The following CCDC102B variants were observed in gnomAD, a reference collection of about 807,000 sequenced individuals.
CCDC102B encodes the protein coiled-coil domain-containing protein 102B.
In CCDC102B, 75 loss-of-function variants were observed where a neutral mutation model predicts 57.4. The observed-to-expected ratio is 1.31, with a 90% CI of 1.08 to 1.58. The LOEUF (loss-of-function observed/expected upper bound fraction) is 1.58. Ranked by LOEUF, CCDC102B falls within the 40% of genes most tolerant of loss-of-function variation. The probability of loss-of-function intolerance (pLI) is 0.00; values close to 1 mark genes in which losing one functional copy is unlikely to be tolerated. For missense variants in CCDC102B, 636 were observed against 582.6 expected (o/e 1.09, Z -0.94); for synonymous variants, 206 against 201.9 (o/e 1.02, Z -0.17).
intron 6 of CCDC102B, among the ~76,000 whole-genome samples, chr18:68,944,130 A>C (rs1259352761): frequency 6.6e-6 from 1 of 152,084 alleles, no homozygotes; most frequent in Admixed American, 6.6e-5. Flanking sequence ...TACACAGGTT[A>C]ACTCCTTGAG....
intron 2 of CCDC102B, among the ~76,000 whole-genome samples, chr18:68,777,063 G>A (rs376064041): frequency 2.0e-5 from 3 of 152,228 alleles, no homozygotes; most frequent in South Asian, 2.1e-4. Flanking sequence ...CATCAGTTCC[G>A]TGGGGAAATT....
chr18:68,899,026 G>A (rs553675007), intron 6 of CCDC102B, among the ~76,000 whole-genome samples: 1 of 152,146 alleles, frequency 6.6e-6, no homozygotes, highest in Non-Finnish European at 1.5e-5. Context: ...CTTGGAAACT[G>A]AGAGGATCCT....
rs773402816 is a variant in CCDC102B, at chr18:68,836,903, A to G, written c.140A>G (p.His47Arg). 2 of 1,614,064 alleles carry G rather than the reference A, an allele frequency of 1.2e-6. No individual in the cohort carries two copies. Among genetic ancestry groups the G allele is most frequent in the East Asian group, 2.2e-5 (1 of 44,862 alleles). Residue 47 changes from histidine to arginine, a missense_variant, in exon 2 of 8, where the codon CAT becomes CGT. By Grantham distance (29) the His-to-Arg change is conservative. Coordinates refer to ENST00000360242, the MANE Select transcript of CCDC102B (RefSeq NM_024781.3). ...RDTCNTCFPL[H>R]GLQSHAAHNF... ...ACCTGTAATACCTGCTTCCCACTTCATGGGCTACAATCTCATGCTGCTCAC... is the reference window on the plus strand; with the variant it reads ...ACCTGTAATACCTGCTTCCCACTTCGTGGGCTACAATCTCATGCTGCTCAC...
At chr18:68,977,078 C>T (rs2050457716) in intron 6 of CCDC102B, among the ~76,000 whole-genome samples, 1 of 151,892 alleles carries the variant, frequency 6.6e-6, no homozygotes, top group Non-Finnish European at 1.5e-5. Context: ...CAATTTTTTG[C>T]TAACATTAAT....
chr18:68,742,187 C>T (rs1466789746), intron 2 of CCDC102B, among the ~76,000 whole-genome samples: 1 of 152,148 alleles, frequency 6.6e-6, no homozygotes, highest in East Asian at 1.9e-4. Flanking sequence ...TTTCAGGCTT[C>T]TCTTTTAGCT....
chr18:69,030,827 G>A (rs1305616041), intron 7 of CCDC102B, among the ~76,000 whole-genome samples: 1 of 152,044 alleles, frequency 6.6e-6, no homozygotes, highest in Non-Finnish European at 1.5e-5. Flanking sequence ...GATCATTTTT[G>A]TATTTTTAGT....
chr18:68,892,396 C>T (rs929435863), intron 5 of CCDC102B, among the ~76,000 whole-genome samples: 6 of 152,126 alleles, frequency 3.9e-5, no homozygotes, highest in Non-Finnish European at 7.4e-5. Flanking sequence ...TCCACCATAG[C>T]GCATGTTTTC....
intron 6 of CCDC102B, among the ~76,000 whole-genome samples, chr18:68,950,878 G>GT (rs1199932502): frequency 1.3e-5 from 2 of 151,968 alleles, no homozygotes; most frequent in Non-Finnish European, 2.9e-5. Flanking sequence ...AGAATTAAAC[G>GT]TGACAATGAC....
At chr18:69,057,850 C>A (rs2052841457), downstream of CCDC102B, among the ~76,000 whole-genome samples, 1 of 151,948 alleles carries the variant, frequency 6.6e-6, no homozygotes, top group African/African-American at 2.4e-5. Context: ...TTTTCCCCAG[C>A]TTTTCTTTTA....
At chr18:68,758,849 C>A (rs1394924022) in intron 2 of CCDC102B, among the ~76,000 whole-genome samples, 2 of 150,802 alleles carry the variant, frequency 1.3e-5, no homozygotes, top group African/African-American at 4.9e-5. Flanking sequence ...CCTTCCCCAT[C>A]CCTATAGTAA....
intron 6 of CCDC102B, among the ~76,000 whole-genome samples, chr18:68,945,122 C>CCACACACACA (rs34611934): frequency 0.2 from 28,244 of 143,794 alleles, 3,303 homozygotes; most frequent in East Asian, 0.39. Flanking sequence ...CTCTCTCTCT[C>CCACACACACA]CACACACACA....
Position 68,918,754 on chromosome 18 carries a change from G to A in CCDC102B, c.1263+21326G>A, listed in dbSNP as rs181220402. Among the ~76,000 whole-genome samples, 106 of 152,168 alleles carry A rather than the reference G, an allele frequency of 7.0e-4. 1 individual carries two copies. The highest frequency in any genetic ancestry group is 4.8e-3 in the East Asian group (25 of 5,174). ...TAGTCTTTCTCATTTAAGAAAATTG[G>A]AATTCCATTTACATTGCATTGGATT... On this transcript the variant is annotated intron_variant, in intron 6 of 7. Transcript: ENST00000360242.
intron 1 of CCDC102B, among the ~76,000 whole-genome samples, chr18:68,823,202 G>C (rs1313145908): frequency 6.6e-6 from 1 of 152,218 alleles, no homozygotes; most frequent in Non-Finnish European, 1.5e-5. Context: ...ACATATAGGT[G>C]TTACCAAATT....
intron 2 of CCDC102B, among the ~76,000 whole-genome samples, chr18:68,791,259 G>T (rs2035449794): frequency 1.3e-5 from 2 of 152,040 alleles, no homozygotes; most frequent in African/African-American, 4.8e-5. Flanking sequence ...TAATGTTTTT[G>T]TTAAGTTGTA....
At chr18:68,883,946 T>C (rs568395103) in intron 5 of CCDC102B, among the ~76,000 whole-genome samples, 1 of 152,286 alleles carries the variant, frequency 6.6e-6, no homozygotes, top group African/African-American at 2.4e-5. Context: ...AAAAATTTCC[T>C]GTTATGGAGA....
chr18:68,857,315 TATATTATATATATAA>T (rs1568293148), intron 4 of CCDC102B, among the ~76,000 whole-genome samples: 662 of 5,220 alleles, frequency 0.13, 74 homozygotes, highest in African/African-American at 0.25. Context: ...TATATATTTA[TATATTATATATATAA>T]AATATATATT....
chr18:68,891,490 T>C (rs141784897), intron 5 of CCDC102B, among the ~76,000 whole-genome samples: 38 of 152,376 alleles, frequency 2.5e-4, no homozygotes, highest in African/African-American at 9.1e-4. Context: ...TTTCTACTTC[T>C]AGTAGCTTTG....
chr18:68,940,677 AG>A (rs150071370), intron 6 of CCDC102B, among the ~76,000 whole-genome samples: 2,925 of 152,022 alleles, frequency 0.019, 105 homozygotes, highest in African/African-American at 0.066. Context: ...AGAGCTTTGC[AG>A]GTAAGGTAAT....
intron 1 of CCDC102B, among the ~76,000 whole-genome samples, chr18:68,806,530 G>A (rs1227314368): frequency 6.6e-6 from 1 of 151,976 alleles, no homozygotes; most frequent in Non-Finnish European, 1.5e-5. Context: ...ACCTCTAGGT[G>A]TTAGAGACAG....
Sources: allele counts gnomAD v4.1 joint callset (sites outside exome capture counted in the v4.1 genomes callset), GRCh38; gene constraint gnomAD v4.1.1; transcripts MANE v1.5; gene names NCBI Gene and HGNC (gene_info 2026-07-23, HGNC 2026-07-21).